Variants in XPR1 observed in about 807,000 individuals in gnomAD.
XPR1 encodes solute carrier family 53 member 1.
XPR1 carries 28 observed loss-of-function variants against 87.5 expected under a neutral mutation model. The observed-to-expected ratio is 0.32, with a 90% CI of 0.24 to 0.44. The LOEUF is 0.44. Among genes scored for constraint, XPR1 ranks in the 20% least tolerant of loss-of-function variants. XPR1 has a pLI of 1.00. For synonymous variants in XPR1, 300 were observed against 306.1 expected (o/e 0.98, Z 0.21); for missense variants, 559 against 862.3 (o/e 0.65, Z 4.41).
chr1:180,828,408 T>C (rs1202658298), intron 9 of XPR1, among the ~76,000 whole-genome samples: 1 of 152,194 alleles, frequency 6.6e-6, no homozygotes, highest in African/African-American at 2.4e-5. Context: ...AATCTATATT[T>C]ACCTCAATCA....
chr1:180,834,764 G>C, intron 9 of XPR1, 110 bp from the exon 10 acceptor site: 1 of 1,246,698 alleles, frequency 8.0e-7, no homozygotes, highest in Non-Finnish European at 1.1e-6. Flanking sequence ...TGGTTCTTTG[G>C]TTTCCATTTT....
intron 1 of XPR1, among the ~76,000 whole-genome samples, chr1:180,646,606 T>C (rs1289222172): frequency 1.3e-5 from 2 of 152,192 alleles, no homozygotes; most frequent in African/African-American, 4.8e-5. Context: ...CTTTCTTTTT[T>C]TTGGCAGTCT....
chr1:180,694,239 A>G (rs1259593619), intron 2 of XPR1, among the ~76,000 whole-genome samples: 1 of 152,180 alleles, frequency 6.6e-6, no homozygotes, highest in African/African-American at 2.4e-5. Flanking sequence ...GATTATAGGC[A>G]TGAGCTGCCA....
At position 180,836,722 on chromosome 1, in the gene XPR1, C is replaced by A. The variant is rs760610048; in HGVS notation, c.1501+6C>A. ...CCTTTACAGCACTCACAAAGGTATT[C>A]TGTGATTGACTCTGAAGAGATTTTT... On this transcript the variant is annotated splice_donor_region_variant and intron_variant, in intron 11 of 14. Transcript: ENST00000367590. The A allele has an allele frequency of 6.2e-7, 1 of 1,613,166 alleles. No individual in the cohort carries two copies. Among genetic ancestry groups the A allele is most frequent in the South Asian group, 1.1e-5 (1 of 91,074 alleles).
chr1:180,876,284 T>C (rs1452413020), intron 13 of XPR1, among the ~76,000 whole-genome samples: 1 of 152,146 alleles, frequency 6.6e-6, no homozygotes, highest in African/African-American at 2.4e-5. Flanking sequence ...AATTCAACAA[T>C]ATATAAAAAG....
At chr1:180,804,906 A>G (rs1649935264) in intron 4 of XPR1, among the ~76,000 whole-genome samples, 1 of 152,212 alleles carries the variant, frequency 6.6e-6, no homozygotes, top group Non-Finnish European at 1.5e-5. Flanking sequence ...CAACATTACC[A>G]TTTTATAGTT....
At chr1:180,690,688 C>T (rs1656948604) in intron 2 of XPR1, among the ~76,000 whole-genome samples, 1 of 151,256 alleles carries the variant, frequency 6.6e-6, no homozygotes, top group South Asian at 2.1e-4. Context: ...TTACTGATAT[C>T]TTGTTTTAAA....
chr1:180,874,390 T>G (rs1652595474), intron 13 of XPR1, among the ~76,000 whole-genome samples: 1 of 151,802 alleles, frequency 6.6e-6, no homozygotes, highest in South Asian at 2.1e-4. Context: ...AAATGCTAGA[T>G]AAAATGTGTT....
At chr1:180,713,027 T>TA (rs901723863) in intron 2 of XPR1, among the ~76,000 whole-genome samples, 3 of 150,626 alleles carry the variant, frequency 2.0e-5, no homozygotes, top group Non-Finnish European at 4.4e-5. Context: ...TCCGTTTCTA[T>TA]AAAAAAAAGC....
intron 2 of XPR1, among the ~76,000 whole-genome samples, chr1:180,726,259 C>T (rs190317724): frequency 6.6e-6 from 1 of 152,272 alleles, no homozygotes; most frequent in Non-Finnish European, 1.5e-5. Context: ...ATCATCAGGA[C>T]GTGGGTGGGG....
intron 7 of XPR1, among the ~76,000 whole-genome samples, chr1:180,822,835 A>G (rs1045133977): frequency 2.0e-5 from 3 of 152,218 alleles, no homozygotes; most frequent in African/African-American, 7.2e-5. Context: ...GGTCTGTAGT[A>G]CTTGATTCCA....
intron 7 of XPR1, among the ~76,000 whole-genome samples, chr1:180,819,802 G>A (rs1005018001): frequency 2.0e-5 from 3 of 152,102 alleles, no homozygotes; most frequent in African/African-American, 7.2e-5. Flanking sequence ...TGGATTGCCT[G>A]AGCTCAGGAG....
At chr1:180,736,689 A>G (rs1203402198) in intron 2 of XPR1, among the ~76,000 whole-genome samples, 1 of 152,208 alleles carries the variant, frequency 6.6e-6, no homozygotes, top group African/African-American at 2.4e-5. Context: ...GACATCAACA[A>G]AATAGGAACA....
At chr1:180,813,261 T>G (rs985750622) in intron 7 of XPR1, among the ~76,000 whole-genome samples, 2 of 152,186 alleles carry the variant, frequency 1.3e-5, no homozygotes, top group Non-Finnish European at 2.9e-5. Flanking sequence ...TGCATCAAGC[T>G]CATTCTAATC....
intron 3 of XPR1, among the ~76,000 whole-genome samples, chr1:180,796,565 T>A (rs915661489): frequency 6.6e-6 from 1 of 151,298 alleles, no homozygotes; most frequent in South Asian, 2.1e-4. Context: ...AACTTTTACC[T>A]ATTTATTCAT....
intron 1 of XPR1, among the ~76,000 whole-genome samples, chr1:180,662,493 G>T (rs149604561): frequency 2.6e-5 from 4 of 152,166 alleles, no homozygotes; most frequent in Non-Finnish European, 5.9e-5. Flanking sequence ...TCTGCTGCCA[G>T]ATGTATTGGA....
chr1:180,807,903 C>T (rs1435087887), intron 6 of XPR1, among the ~76,000 whole-genome samples: 1 of 152,112 alleles, frequency 6.6e-6, no homozygotes, highest in Admixed American at 6.5e-5. Context: ...ACTTGAGAGG[C>T]TGAAGCACAA....
intron 3 of XPR1, among the ~76,000 whole-genome samples, chr1:180,790,380 T>G (rs1367051903): frequency 6.6e-6 from 1 of 152,114 alleles, no homozygotes; most frequent in Non-Finnish European, 1.5e-5. Context: ...GCAAGCAAAT[T>G]TCTTAACTTT....
At chr1:180,823,157 C>T (rs1298599051) in intron 7 of XPR1, among the ~76,000 whole-genome samples, 1 of 151,690 alleles carries the variant, frequency 6.6e-6, no homozygotes, top group Non-Finnish European at 1.5e-5. Flanking sequence ...AGGAGAATCG[C>T]TTGAACGCGG....
Sources: gnomAD v4.1 joint callset for allele counts (sites outside exome capture counted in the v4.1 genomes callset) on GRCh38, gnomAD v4.1.1 for gene constraint, MANE v1.5 for transcripts, NCBI Gene and HGNC (gene_info 2026-07-23, HGNC 2026-07-21) for gene names.